The following MREG variants were observed in gnomAD, a reference collection of about 807,000 sequenced individuals.
MREG encodes melanoregulin.
A neutral mutation model predicts 28.5 loss-of-function variants in MREG; 31 were observed. The ratio of observed to expected loss-of-function variants is 1.09; its 90% CI spans 0.82 to 1.47. MREG has a LOEUF of 1.47. MREG is among the 40% of genes most tolerant of loss of function. The pLI is 0.00. For missense variants in MREG, 256 were observed against 257.4 expected (o/e 0.99, Z 0.04); for synonymous variants, 106 against 95.2 (o/e 1.11, Z -0.66).
chr2:215,998,712 T>C (rs895776058), intron 1 of MREG, among the ~76,000 whole-genome samples: 1 of 152,260 alleles, frequency 6.6e-6, no homozygotes, highest in Non-Finnish European at 1.5e-5. Context: ...ATGATGCCTT[T>C]GGGCCCTGCC....
chr2:215,944,953 A>G lies in MREG; in HGVS notation c.555T>C (p.Leu185=), dbSNP rs757562206. Residue 185 remains leucine, a synonymous_variant, in exon 5 of 5, where the codon CTT becomes CTC. Coordinates refer to ENST00000263268, the MANE Select transcript of MREG (RefSeq NM_018000.3). ...GCTTCTTGGGGTAAGTTCGACGAGC[A>G]AGCTTAAAGAACTCTTCTGCAGCAT... The part of the protein sequence containing the change: ...ALDAAEEFFK[L]ARRTYPKKPG... 2 of 1,607,114 alleles carry G rather than the reference A, an allele frequency of 1.2e-6. No homozygotes were observed. The highest frequency in any genetic ancestry group is 2.2e-5 in the South Asian group (2 of 90,554).
At chr2:215,954,553 T>A (rs771079950) in intron 2 of MREG, among the ~76,000 whole-genome samples, 1 of 151,740 alleles carries the variant, frequency 6.6e-6, no homozygotes, top group Middle Eastern at 3.4e-3. Context: ...ACTTGCCCCA[T>A]GCCCAACCGC....
chr2:215,975,747 A>G (rs796328122), intron 2 of MREG, among the ~76,000 whole-genome samples: 16 of 152,316 alleles, frequency 1.1e-4, no homozygotes, highest in African/African-American at 3.8e-4. Context: ...GTAACTATCA[A>G]TGGGCAACAG....
intron 1 of MREG, among the ~76,000 whole-genome samples, chr2:216,010,904 G>T (rs1694287575): frequency 6.6e-6 from 1 of 151,206 alleles, no homozygotes; most frequent in Non-Finnish European, 1.5e-5. Flanking sequence ...AGACCATCCT[G>T]GATAACACGG....
At chr2:215,951,246 G>T (rs1255354281) in intron 2 of MREG, among the ~76,000 whole-genome samples, 1 of 152,136 alleles carries the variant, frequency 6.6e-6, no homozygotes, top group Non-Finnish European at 1.5e-5. Flanking sequence ...GAAAAATAGT[G>T]ATGTAAAAAA....
chr2:215,973,459 G>A (rs1307151614), intron 2 of MREG, among the ~76,000 whole-genome samples: 1 of 152,190 alleles, frequency 6.6e-6, no homozygotes, highest in Non-Finnish European at 1.5e-5. Flanking sequence ...CCAGTCCACA[G>A]TCCACAGGCC....
At chr2:215,946,276 A>C (rs1256898488) in intron 3 of MREG, among the ~76,000 whole-genome samples, 2 of 151,644 alleles carry the variant, frequency 1.3e-5, no homozygotes, top group East Asian at 1.9e-4. Context: ...ACAATACTAG[A>C]TATGCAAAGA....
upstream of MREG, among the ~76,000 whole-genome samples, chr2:216,014,199 T>C (rs1048556891): frequency 1.3e-5 from 2 of 152,100 alleles, no homozygotes; most frequent in East Asian, 3.9e-4. Flanking sequence ...CCTCCTCTCA[T>C]TTTAACAGTT....
intron 2 of MREG, among the ~76,000 whole-genome samples, chr2:215,984,266 C>A (rs369332994): frequency 5.3e-5 from 8 of 152,100 alleles, no homozygotes; most frequent in Admixed American, 4.6e-4. Flanking sequence ...ATTACCTCCC[C>A]CCATGTCCAT....
chr2:215,958,826 C>A (rs1692703747), intron 2 of MREG, among the ~76,000 whole-genome samples: 3 of 152,152 alleles, frequency 2.0e-5, no homozygotes, highest in Middle Eastern at 3.2e-3. Flanking sequence ...GATGGCCATA[C>A]CCTTCTTAAC....
At chr2:215,968,607 T>G (rs1313302266) in intron 2 of MREG, among the ~76,000 whole-genome samples, 3 of 152,192 alleles carry the variant, frequency 2.0e-5, no homozygotes, top group African/African-American at 7.2e-5. Context: ...CAGGGCCTAC[T>G]GATGCAGTGT....
chr2:216,010,352 C>CTATTTTTTTTTTTTT (rs1332869944), intron 1 of MREG, among the ~76,000 whole-genome samples: 6 of 75,632 alleles, frequency 7.9e-5, no homozygotes, highest in African/African-American at 2.9e-4. Flanking sequence ...GAAAAGATTT[C>CTATTTTTTTTTTTTT]TCTTTTTTTT....
intron 2 of MREG, among the ~76,000 whole-genome samples, chr2:215,987,995 C>T (rs1349096950): frequency 6.6e-6 from 1 of 152,124 alleles, no homozygotes; most frequent in African/African-American, 2.4e-5. Context: ...GCATAATTAT[C>T]ATCACGTCTT....
intron 2 of MREG, among the ~76,000 whole-genome samples, chr2:215,961,278 G>C (rs1363336238): frequency 6.6e-6 from 1 of 152,214 alleles, no homozygotes; most frequent in African/African-American, 2.4e-5. Context: ...AGGTTTGTCT[G>C]TTGGTAAACA....
At chr2:215,947,746 C>A (rs925290788) in intron 2 of MREG, among the ~76,000 whole-genome samples, 3 of 152,206 alleles carry the variant, frequency 2.0e-5, no homozygotes, top group Non-Finnish European at 4.4e-5. Context: ...CATATCTCAG[C>A]AACATTCTTT....
At position 216,023,798 on chromosome 2, in the gene MREG, G is replaced by C. The variant is rs189333886; in HGVS notation, c.-68+8991C>G. Among the ~76,000 whole-genome samples the C allele has an allele frequency of 1.5e-3, 229 of 152,246 alleles. 1 individual carries two copies. Among genetic ancestry groups the C allele is most frequent in the African/African-American group, 5.3e-3 (219 of 41,538 alleles). ...TTCTCCTGCCCCAGCCTCCTGAGTA[G>C]CTGGGATTACAGGCACCCACGACCA... is the stretch of plus-strand genomic sequence containing the variant. On this transcript the variant is annotated intron_variant, in intron 1 of 3. Transcript: ENST00000420348.
upstream of MREG, among the ~76,000 whole-genome samples, chr2:216,018,234 C>T (rs901183354): frequency 6.6e-6 from 1 of 152,190 alleles, no homozygotes; most frequent in Admixed American, 6.5e-5. Flanking sequence ...GACAACATAG[C>T]ATGAGCTGGT....
In MREG at chr2:215,998,307, C is replaced by CAA. The variant is rs1222506866; in HGVS notation, c.96-1844_96-1843dup. Among the ~76,000 whole-genome samples, 110 of 123,904 alleles carry CAA rather than the reference C, an allele frequency of 8.9e-4. 1 individual carries two copies. Among genetic ancestry groups the CAA allele is most frequent in the African/African-American group, 3.1e-3 (104 of 33,714 alleles). 81.3% of individuals were successfully genotyped at this position (123,904 alleles called of 152,430 possible). ...GCGACAAGAGCAAAACTCCATCTCA[C>CAA]AAAAAAAAAAAAAAATAATAATAAT... On this transcript the variant is annotated intron_variant, in intron 1 of 4. Coordinates refer to ENST00000263268, the MANE Select transcript of MREG (RefSeq NM_018000.3).
upstream of MREG, among the ~76,000 whole-genome samples, chr2:216,015,529 G>A (rs1191216417): frequency 1.3e-5 from 2 of 152,162 alleles, no homozygotes; most frequent in African/African-American, 4.8e-5. Context: ...CTCCACATGA[G>A]CTGAGAAAAT....
Sources: gnomAD v4.1 joint callset for allele counts (sites outside exome capture counted in the v4.1 genomes callset) on GRCh38, gnomAD v4.1.1 for gene constraint, MANE v1.5 for transcripts, NCBI Gene and HGNC (gene_info 2026-07-23, HGNC 2026-07-21) for gene names.